TBL1X: variants seen among roughly 807,000 people sequenced by gnomAD.
TBL1X encodes the protein F-box-like/WD repeat-containing protein TBL1X.
A neutral mutation model predicts 50.7 loss-of-function variants in TBL1X; 10 were observed. The ratio of observed to expected loss-of-function variants is 0.20; its 90% confidence interval spans 0.12 to 0.33. TBL1X has a LOEUF of 0.33. Among genes scored for constraint, TBL1X ranks in the 10% least tolerant of loss-of-function variants. TBL1X has a pLI of 1.00. For synonymous variants in TBL1X, 190 were observed against 214.7 expected (o/e 0.88, Z 1.01); for missense variants, 340 against 504.4 (o/e 0.67, Z 3.12).
At chrX:9,501,031 C>T (rs773913715) in intron 1 of TBL1X, among the ~76,000 whole-genome samples, 3 of 111,545 alleles carry the variant, frequency 2.7e-5, no homozygotes, top group Admixed American at 1.9e-4. Flanking sequence ...AGAAGCTCTG[C>T]GAGTCTGTGG....
intron 3 of TBL1X, chrX:9,645,540 C>T (rs1267256324): frequency 8.9e-6 from 1 of 111,841 alleles, no homozygotes; most frequent in Non-Finnish European, 1.9e-5. Context: ...TAGTTTATTC[C>T]ATATTTAAAT....
intron 6 of TBL1X, among the ~76,000 whole-genome samples, chrX:9,686,665 T>G (rs192457292): frequency 3.0e-4 from 34 of 112,803 alleles, no homozygotes; most frequent in African/African-American, 1.1e-3. Flanking sequence ...GCCCCTGCAC[T>G]CCAGCCTGGA....
chrX:9,602,509 C>T (rs2082562208), intron 2 of TBL1X, among the ~76,000 whole-genome samples: 2 of 111,269 alleles, frequency 1.8e-5, no homozygotes, highest in South Asian at 7.7e-4. Flanking sequence ...AAAGCTTTGT[C>T]GTGGGAGGTT....
Position 9,472,595 on chromosome X carries a change from A to G in TBL1X, c.-201+7148A>G, listed in dbSNP as rs143270044. 7.9e-3 allele frequency among the ~76,000 whole-genome samples: 876 copies of G among 110,386 alleles called. 14 individuals are homozygous for G. Among genetic ancestry groups the G allele is most frequent in the African/African-American group, 0.028 (847 of 30,277 alleles). ...TTGTGAGCTACTGTTCCTGGCCAAC[A>G]TATACTTTAATATGGCAAGACCATA... On this transcript the variant is annotated intron_variant, in intron 1 of 17. Transcript: ENST00000645353.
chrX:9,574,459 G>GAAAAAA (rs376384853), intron 2 of TBL1X, among the ~76,000 whole-genome samples: 5 of 30,109 alleles, frequency 1.7e-4, no homozygotes, highest in Non-Finnish European at 2.0e-4. Flanking sequence ...TGTCTCAAAT[G>GAAAAAA]AAAAAAAAAA....
chrX:9,670,426 G>A (rs748906241), intron 5 of TBL1X, among the ~76,000 whole-genome samples: 4 of 111,266 alleles, frequency 3.6e-5, no homozygotes, highest in Admixed American at 9.6e-5. Context: ...CTAAGCCTTC[G>A]GAGAGACTTG....
At chrX:9,692,783 T>TCAGTA (rs2083106819) in intron 9 of TBL1X, among the ~76,000 whole-genome samples, 3 of 112,591 alleles carry the variant, frequency 2.7e-5, no homozygotes, top group Non-Finnish European at 5.6e-5. Flanking sequence ...GCCGTATCTT[T>TCAGTA]GCACGTGAGC....
intron 3 of TBL1X, among the ~76,000 whole-genome samples, chrX:9,640,709 C>A (rs755641483): frequency 9.0e-6 from 1 of 111,455 alleles, no homozygotes; most frequent in African/African-American, 3.3e-5. Context: ...CGGCTCACTG[C>A]AACCCCCGCC....
At chrX:9,530,328 T>A (rs1402382286) in intron 2 of TBL1X, among the ~76,000 whole-genome samples, 1 of 112,238 alleles carries the variant, frequency 8.9e-6, no homozygotes, top group Non-Finnish European at 1.9e-5. Flanking sequence ...ATGATTTGAT[T>A]TTTTCCTTCT....
chrX:9,519,582 T>C (rs1303231861), intron 2 of TBL1X, among the ~76,000 whole-genome samples: 1 of 112,460 alleles, frequency 8.9e-6, no homozygotes, highest in Admixed American at 9.4e-5. Flanking sequence ...ATTTTTAATT[T>C]AGAGAGCACT....
At chrX:9,621,235 C>T (rs748438133) in intron 2 of TBL1X, among the ~76,000 whole-genome samples, 26 of 111,564 alleles carry the variant, frequency 2.3e-4, no homozygotes, top group African/African-American at 3.9e-4. Flanking sequence ...AGACTAGATT[C>T]GTTCACTGGA....
chrX:9,710,742 GAT>G (rs1423926586), intron 15 of TBL1X, among the ~76,000 whole-genome samples: 3 of 112,016 alleles, frequency 2.7e-5, no homozygotes, highest in Non-Finnish European at 5.6e-5. Context: ...ATTCTTGTTT[GAT>G]TAAAATTTAT....
chrX:9,636,049 G>A (rs2082744867), intron 2 of TBL1X, among the ~76,000 whole-genome samples: 1 of 112,104 alleles, frequency 8.9e-6, no homozygotes, highest in Non-Finnish European at 1.9e-5. Context: ...AAAGAAGCCA[G>A]ATGCAAGAGG....
rs1283912106 is a variant in TBL1X at position 9,665,488 on chromosome X, GCTAT to G, written c.211+11167_211+11170del. Among the ~76,000 whole-genome samples, 16 of 15,063 alleles carry G rather than the reference GCTAT, an allele frequency of 1.1e-3. 1 individual carries two copies. In the East Asian group the frequency reaches 0.014, roughly 14 times the overall value. 13.1% of individuals were successfully genotyped at this position (15,063 alleles called of 115,157 possible). A position where few individuals can be genotyped will look rare whatever the true frequency, so the allele number is the denominator to read the frequency against. On this transcript the variant is annotated intron_variant, in intron 5 of 17. Coordinates refer to ENST00000645353, the MANE Select transcript of TBL1X (RefSeq NM_005647.4). ...AACTTAATTAAAAACTGATATTCAAGCTATATATATATATATATATATATATATA... is the reference window on the plus strand; with the variant it reads ...AACTTAATTAAAAACTGATATTCAAGATATATATATATATATATATATATA...
intron 3 of TBL1X, among the ~76,000 whole-genome samples, chrX:9,648,838 T>C (rs2082819057): frequency 8.9e-6 from 1 of 112,533 alleles, no homozygotes; most frequent in African/African-American, 3.2e-5. Flanking sequence ...GGGAGATCCA[T>C]AATTTACCAT....
At chrX:9,654,053 C>T (rs951285252) in intron 4 of TBL1X, among the ~76,000 whole-genome samples, 162 bp from the exon 5 acceptor site, 18 of 110,194 alleles carry the variant, frequency 1.6e-4, no homozygotes, top group African/African-American at 5.6e-4. Flanking sequence ...TCTATAATTA[C>T]GGAATTTTTA....
chrX:9,677,626 C>CT (rs2083002348), intron 5 of TBL1X, among the ~76,000 whole-genome samples: 1 of 111,339 alleles, frequency 9.0e-6, no homozygotes, highest in Non-Finnish European at 1.9e-5. Context: ...CTCCCTCTCT[C>CT]TTTCTCAGCT....
At chrX:9,530,217 A>C (rs2082153403) in intron 2 of TBL1X, among the ~76,000 whole-genome samples, 1 of 112,114 alleles carries the variant, frequency 8.9e-6, no homozygotes, top group Non-Finnish European at 1.9e-5. Flanking sequence ...GAGGGGGTCC[A>C]TTCTCCCATC....
At chrX:9,644,341 G>T (rs2082791021) in intron 3 of TBL1X, among the ~76,000 whole-genome samples, 1 of 112,294 alleles carries the variant, frequency 8.9e-6, no homozygotes. Flanking sequence ...TTCCAAGGCA[G>T]TCTGCTCTGA....
Sources: allele counts gnomAD v4.1 joint callset (sites outside exome capture counted in the v4.1 genomes callset), GRCh38; gene constraint gnomAD v4.1.1; transcripts MANE v1.5; gene names NCBI Gene and HGNC (gene_info 2026-07-23, HGNC 2026-07-21).